The following CCL2 variants were observed in gnomAD, a reference collection of about 807,000 sequenced individuals.
CCL2 encodes the protein C-C motif chemokine 2.
CCL2 carries 2 observed loss-of-function variants against 6.7 expected under a neutral mutation model. That is an observed-to-expected ratio of 0.30 (90% CI 0.12 to 0.94). The LOEUF (loss-of-function observed/expected upper bound fraction) is 0.94. CCL2 is among the 40% of genes least tolerant of loss of function. The probability of loss-of-function intolerance (pLI) is 0.54; values close to 1 mark genes in which losing one functional copy is unlikely to be tolerated. For missense variants in CCL2, 89 were observed against 119.3 expected (o/e 0.75, Z 1.18); for synonymous variants, 43 against 45.2 (o/e 0.95, Z 0.19).
In CCL2 at chr17:34,256,134, G is replaced by A. The variant is rs1907677581; in HGVS notation, c.77-88G>A. 1.3e-5 allele frequency: 11 copies of A among 854,780 alleles called. No individual in the cohort carries two copies. The South Asian group carries it at 1.7e-4, about 13-fold the overall frequency. 52.9% of individuals were successfully genotyped at this position (854,780 alleles called of 1,614,324 possible). On this transcript the variant is annotated intron_variant, in intron 1 of 2. Coordinates refer to ENST00000225831, the MANE Select transcript of CCL2 (RefSeq NM_002982.4). ...CTTTGTCTTCTCCTGCCTGCCTTTT[G>A]CTTTTTCCTCATGACTCTTTTCTGC... is the stretch of plus-strand genomic sequence containing the variant.
Position 34,257,055 on chromosome 17 carries a change from C to T in CCL2, c.*228C>T. ...GGAAATTGCTTTTCCTCTTGAACCA[C>T]AGTTCTACCCCTGGGATGTTTTGAG... On this transcript the variant is annotated 3_prime_UTR_variant, in exon 3 of 3. Transcript: ENST00000225831. The T allele has an allele frequency of 2.6e-6, 1 of 387,200 alleles. No individual in the cohort carries two copies. Among genetic ancestry groups the T allele is most frequent in the Non-Finnish European group, 4.7e-6 (1 of 214,050 alleles). The allele number at this position is 387,200 out of a possible 1,614,324, so 24.0% of individuals were successfully genotyped here.
At chr17:34,255,448 T>C in intron 1 of CCL2, 23 bp downstream of exon 1, 2 of 1,584,238 alleles carry the variant, frequency 1.3e-6, no homozygotes, top group Non-Finnish European at 1.7e-6. Context: ...CTTCTTCTCC[T>C]TGAACCACAT....
At position 34,255,340 on chromosome 17, in the gene CCL2, C is replaced by G. The variant is rs774337603; in HGVS notation, c.-10C>G. On this transcript the variant is annotated 5_prime_UTR_variant, in exon 1 of 3. Coordinates refer to ENST00000225831, the MANE Select transcript of CCL2 (RefSeq NM_002982.4). ...ATTCTCAAACTGAAGCTCGCACTCT[C>G]GCCTCCAGCATGAAAGTCTCTGCCG... 5 of 1,613,278 alleles carry G rather than the reference C, an allele frequency of 3.1e-6. No homozygotes were observed. Among genetic ancestry groups the G allele is most frequent in the Non-Finnish European group, 4.2e-6 (5 of 1,179,486 alleles).
At chr17:34,255,523 G>A (rs1907659460) in intron 1 of CCL2, 98 bp downstream of exon 1, 3 of 1,070,718 alleles carry the variant, frequency 2.8e-6, no homozygotes, top group African/African-American at 1.6e-5. Context: ...TTGCTTTAAC[G>A]CTACTTTTCC....
Position 34,256,351 on chromosome 17 carries a change from A to C in CCL2, c.194+12A>C. On this transcript the variant is annotated intron_variant, in intron 2 of 2. Coordinates refer to ENST00000225831, the MANE Select transcript of CCL2 (RefSeq NM_002982.4). ...AAAGAAGCTGTGATGTGAGTTCAGCACACCAACCTTCCCTGGCCTGAAGTT... is the reference window on the plus strand; with the variant it reads ...AAAGAAGCTGTGATGTGAGTTCAGCCCACCAACCTTCCCTGGCCTGAAGTT... 6.5e-7 allele frequency: 1 copy of C among 1,539,308 alleles called. No individual in the cohort carries two copies. The highest frequency in any genetic ancestry group is 9.0e-7 in the Non-Finnish European group (1 of 1,112,248).
Position 34,255,431 on chromosome 17 carries a change from G to T in CCL2, c.76+6G>T. 1 of 1,612,292 alleles carries T rather than the reference G, an allele frequency of 6.2e-7. No homozygotes were observed. The highest frequency in any genetic ancestry group is 8.5e-7 in the Non-Finnish European group (1 of 1,178,564). The stretch of plus-strand genomic sequence containing the variant: ...CCAAGGGCTCGCTCAGCCAGGTAAG[G>T]CCCCCTCTTCTTCTCCTTGAACCAC... On this transcript the variant is annotated splice_donor_region_variant and intron_variant, in intron 1 of 2. Transcript: ENST00000225831.
rs1461771381 is a variant in CCL2 at position 34,256,292 on chromosome 17, G to A, written c.147G>A (p.Ala49=). The A allele has an allele frequency of 1.2e-6, 2 of 1,613,892 alleles. No homozygotes were observed. The highest frequency in any genetic ancestry group is 2.2e-5 in the East Asian group (1 of 44,866). Residue 49 remains alanine (A), a synonymous_variant, in exon 2 of 3, where the codon GCG becomes GCA. Coordinates refer to ENST00000225831, the MANE Select transcript of CCL2 (RefSeq NM_002982.4). ...GGAAGATCTCAGTGCAGAGGCTCGCGAGCTATAGAAGAATCACCAGCAGCA... is the reference window on the plus strand; with the variant it reads ...GGAAGATCTCAGTGCAGAGGCTCGCAAGCTATAGAAGAATCACCAGCAGCA... ...TNRKISVQRL[A]SYRRITSSKC... is the part of the protein sequence containing the mutation.
In CCL2 at chr17:34,256,708, C is replaced by T. The variant is rs762629890; in HGVS notation, c.195-14C>T. The T allele has an allele frequency of 1.3e-6, 2 of 1,583,786 alleles. No individual in the cohort carries two copies. Among genetic ancestry groups the T allele is most frequent in the South Asian group, 2.2e-5 (2 of 90,042 alleles). The stretch of plus-strand genomic sequence containing the variant: ...CAAAGGAACTTCATCTAACTCTGTC[C>T]TCCCTCCCCACAGCTTCAAGACCAT... On this transcript the variant is annotated splice_polypyrimidine_tract_variant and intron_variant, in intron 2 of 2. Coordinates refer to ENST00000225831, the MANE Select transcript of CCL2 (RefSeq NM_002982.4).
Position 34,255,463 on chromosome 17 carries a change from TTC to T in CCL2, c.76+44_76+45del, listed in dbSNP as rs1460808750. On this transcript the variant is annotated intron_variant, in intron 1 of 2. Coordinates refer to ENST00000225831, the MANE Select transcript of CCL2 (RefSeq NM_002982.4). ...CTTCTTCTCCTTGAACCACATTGTC[TTC>T]TCTCTGAGTTATCATGGACCATCCA... The T allele has an allele frequency of 3.9e-6, 6 of 1,546,230 alleles. No homozygotes were observed. The African/African-American group carries it at 5.4e-5, about 14-fold the overall frequency.
At chr17:34,256,629 G>T in intron 2 of CCL2, 93 bp from the exon 3 acceptor site, 1 of 850,002 alleles carries the variant, frequency 1.2e-6, no homozygotes, top group South Asian at 1.6e-5. Flanking sequence ...TCCTCCTCTA[G>T]CTCCCATGGC....
At position 34,255,288 on chromosome 17, in the gene CCL2, A is replaced by C. The variant is rs1427586567; in HGVS notation, c.-62A>C. ...AGAGACAGCAGCCAGAGGAACCGAGAGGCTGAGACTAACCCAGAAACATCC... is the reference window on the plus strand; with the variant it reads ...AGAGACAGCAGCCAGAGGAACCGAGCGGCTGAGACTAACCCAGAAACATCC... On this transcript the variant is annotated 5_prime_UTR_variant, in exon 1 of 3. Transcript: ENST00000225831. 6.9e-7 allele frequency: 1 copy of C among 1,439,448 alleles called. No homozygotes were observed. The highest frequency in any genetic ancestry group is 1.2e-5 in the South Asian group (1 of 85,438). 89.2% of individuals were successfully genotyped at this position (1,439,448 alleles called of 1,614,324 possible).
Position 34,256,760 on chromosome 17 carries a change from C to T in CCL2, c.233C>T (p.Pro78Leu). The T allele has an allele frequency of 6.2e-7, 1 of 1,613,856 alleles. No individual in the cohort carries two copies. The highest frequency in any genetic ancestry group is 8.5e-7 in the Non-Finnish European group (1 of 1,179,864). ...GTGGCCAAGGAGATCTGTGCTGACC[C>T]CAAGCAGAAGTGGGTTCAGGATTCC... ...TIVAKEICAD[P>L]KQKWVQDSMD... The change falls in exon 3 of 3, where the codon CCC becomes CTC. Residue 78 changes from proline (P) to leucine (L), a missense_variant. Pro to Leu is a moderately conservative substitution (Grantham distance 98, BLOSUM62 -3). Coordinates refer to ENST00000225831, the MANE Select transcript of CCL2 (RefSeq NM_002982.4).
chr17:34,256,264 A>G lies in CCL2; in HGVS notation c.119A>G (p.Asn40Ser). 1.2e-6 allele frequency: 2 copies of G among 1,613,832 alleles called. No homozygotes were observed. The highest frequency in any genetic ancestry group is 8.5e-7 in the Non-Finnish European group (1 of 1,179,768). Residue 40 changes from asparagine to serine, a missense_variant, in exon 2 of 3, where the codon AAT becomes AGT. Asn to Ser is a conservative substitution (Grantham distance 46). Transcript: ENST00000225831. ...GTCACCTGCTGTTATAACTTCACCA[A>G]TAGGAAGATCTCAGTGCAGAGGCTC... ...APVTCCYNFT[N>S]RKISVQRLAS... is the part of the protein sequence containing the mutation.
At position 34,255,392 on chromosome 17, in the gene CCL2, G is replaced by C. The variant is rs758954928; in HGVS notation, c.43G>C (p.Ala15Pro). Residue 15 changes from alanine (A) to proline (P), a missense_variant, in exon 1 of 3, where the codon GCC (alanine) becomes CCC (proline). By Grantham distance (27) the Ala-to-Pro change is conservative. Coordinates refer to ENST00000225831, the MANE Select transcript of CCL2 (RefSeq NM_002982.4). ...AALLCLLLIAATFIPQGLAQP... is the reference protein window; with the variant it reads ...AALLCLLLIAPTFIPQGLAQP... Reference sequence around the variant, plus strand: ...CCTTCTGTGCCTGCTGCTCATAGCAGCCACCTTCATTCCCCAAGGGCTCGC... The same window carrying C: ...CCTTCTGTGCCTGCTGCTCATAGCACCCACCTTCATTCCCCAAGGGCTCGC... 3.1e-6 allele frequency: 5 copies of C among 1,613,868 alleles called. No homozygotes were observed. Among genetic ancestry groups the C allele is most frequent in the African/African-American group, 2.7e-5 (2 of 74,884 alleles).
chr17:34,255,943 G>A (rs907986544), intron 1 of CCL2: 1 of 368,428 alleles, frequency 2.7e-6, no homozygotes, highest in Non-Finnish European at 5.0e-6. Context: ...TTATTGGTCC[G>A]TCTTAATGAC....
intron 1 of CCL2, chr17:34,255,987 C>T (rs1907673691): frequency 9.4e-6 from 2 of 213,750 alleles, no homozygotes; most frequent in Non-Finnish European, 1.5e-5. Flanking sequence ...AACAGCTCCT[C>T]CTTCTCTCTG....
chr17:34,255,814 ACTCTG>A, intron 1 of CCL2: 1 of 263,492 alleles, frequency 3.8e-6, no homozygotes, highest in Non-Finnish European at 7.2e-6. Context: ...AGAGACGGTG[ACTCTG>A]CAGAGGTAAT....
At chr17:34,256,387 G>C in intron 2 of CCL2, 48 bp downstream of exon 2, 7 of 1,235,700 alleles carry the variant, frequency 5.7e-6, no homozygotes, top group South Asian at 2.4e-5. Context: ...CTTCCTTGTG[G>C]AGCAAGGGAC....
At chr17:34,256,411 C>G (rs750326048) in intron 2 of CCL2, 72 bp downstream of exon 2, 1 of 1,033,706 alleles carries the variant, frequency 9.7e-7, no homozygotes, top group Admixed American at 1.8e-5. Flanking sequence ...CCTCATAAAC[C>G]TAGAGTCAGA....
Sources: gnomAD v4.1 joint callset for allele counts on GRCh38, gnomAD v4.1.1 for gene constraint, MANE v1.5 for transcripts, NCBI Gene and HGNC (gene_info 2026-07-23, HGNC 2026-07-21) for gene names.